The following EHMT1 variants were observed in gnomAD, a reference collection of about 807,000 sequenced individuals.
EHMT1 encodes euchromatic histone lysine methyltransferase 1, also known as histone-lysine N-methyltransferase EHMT1.
EHMT1 carries 15 observed loss-of-function variants against 147.2 expected under a neutral mutation model. The ratio of observed to expected loss-of-function variants is 0.10; its 90% CI spans 0.07 to 0.16. EHMT1 has a LOEUF of 0.16. EHMT1 is among the 10% of genes least tolerant of loss of function. The pLI, the probability that EHMT1 is intolerant of heterozygous loss-of-function variation, is 1.00. For missense variants in EHMT1, 1,587 were observed against 1,772.4 expected, an observed-to-expected ratio of 0.90 and a Z score of 1.88; for synonymous variants, 795 against 709.6, an observed-to-expected ratio of 1.12 and a Z score of -1.91.
intron 18 of EHMT1, among the ~76,000 whole-genome samples, chr9:137,809,255 C>T (rs544052180): frequency 6.6e-6 from 1 of 152,332 alleles, no homozygotes; most frequent in African/African-American, 2.4e-5. Flanking sequence ...CTTTTTTCTT[C>T]GCCTTCACTG....
intron 1 of EHMT1, among the ~76,000 whole-genome samples, chr9:137,642,716 T>G (rs969496598): frequency 1.3e-5 from 2 of 152,272 alleles, no homozygotes; most frequent in African/African-American, 4.8e-5. Context: ...TACATTACAC[T>G]GTGTGCCCAT....
At chr9:137,711,547 G>C (rs140477307) in intron 2 of EHMT1, among the ~76,000 whole-genome samples, 1 of 152,282 alleles carries the variant, frequency 6.6e-6, no homozygotes, top group East Asian at 1.9e-4. Flanking sequence ...CCAATTTTAT[G>C]GCAGACACTT....
chr9:137,684,280 G>T (rs1210514524), intron 1 of EHMT1, among the ~76,000 whole-genome samples: 3 of 151,958 alleles, frequency 2.0e-5, no homozygotes, highest in Admixed American at 6.6e-5. Context: ...CAATCTGCCC[G>T]CCTTGGCCTC....
chr9:137,657,124 A>G (rs890728530), intron 1 of EHMT1, among the ~76,000 whole-genome samples: 1 of 152,162 alleles, frequency 6.6e-6, no homozygotes, highest in Non-Finnish European at 1.5e-5. Flanking sequence ...AGTGAACAAA[A>G]CAGACGGAAC....
intron 3 of EHMT1, among the ~76,000 whole-genome samples, chr9:137,721,105 C>G (rs1266941342): frequency 6.6e-6 from 1 of 151,930 alleles, no homozygotes; most frequent in Admixed American, 6.6e-5. Context: ...GTGCGTATCC[C>G]TGTGACTGCT....
rs555553602 is a variant in EHMT1 at position 137,830,735 on chromosome 9, A to G, written c.3541-3614A>G. Among the ~76,000 whole-genome samples the G allele has an allele frequency of 3.9e-5, 6 of 152,286 alleles. No individual in the cohort carries two copies. The East Asian group carries it at 9.6e-4, about 24-fold the overall frequency. Reference sequence around the variant, plus strand: ...CTTGTGTGATTGTGTCACTGGCTTGATAGGCAGTTACATTAATTTTAGTTC... The same window carrying G: ...CTTGTGTGATTGTGTCACTGGCTTGGTAGGCAGTTACATTAATTTTAGTTC... On this transcript the variant is annotated intron_variant, in intron 25 of 26. Transcript: ENST00000460843.
chr9:137,821,780 C>T (rs1380720112), intron 25 of EHMT1, among the ~76,000 whole-genome samples: 1 of 152,142 alleles, frequency 6.6e-6, no homozygotes, highest in African/African-American at 2.4e-5. Flanking sequence ...CATTTACTAC[C>T]TTGTTTACTA....
At chr9:137,806,776 C>G (rs2137538191) in intron 18 of EHMT1, among the ~76,000 whole-genome samples, 3 of 152,338 alleles carry the variant, frequency 2.0e-5, no homozygotes, top group Admixed American at 2.0e-4. Flanking sequence ...ATTTTGCTTT[C>G]ATCTTTGAAA....
At position 137,811,514 on chromosome 9, in the gene EHMT1, C is replaced by T. The variant is rs375339474; in HGVS notation, c.2766C>T (p.Ala922=). Residue 922 remains alanine (A), a synonymous_variant, in exon 19 of 27, where the codon GCC becomes GCT. Transcript: ENST00000460843. ...CGTTCTCCGGCTGCGTGGACATAGC[C>T]GAGATCCTGCTGGCTGCCAAGTGCG... ...WAAFSGCVDI[A]EILLAAKCDL... The T allele has an allele frequency of 4.6e-5, 74 of 1,611,688 alleles. 1 individual carries two copies. Among genetic ancestry groups the T allele is most frequent in the South Asian group, 1.1e-4 (10 of 91,088 alleles).
chr9:137,708,190 C>A (rs1944417203), intron 1 of EHMT1, among the ~76,000 whole-genome samples: 1 of 152,198 alleles, frequency 6.6e-6, no homozygotes, highest in African/African-American at 2.4e-5. Flanking sequence ...GTTGGTCCAT[C>A]TCTGTCATGT....
chr9:137,822,738 C>CA (rs1955513417), intron 25 of EHMT1, among the ~76,000 whole-genome samples: 1 of 151,928 alleles, frequency 6.6e-6, no homozygotes, highest in Admixed American at 6.6e-5. Context: ...ACTAAAAATA[C>CA]AAAAATTAGC....
intron 13 of EHMT1, 102 bp downstream of exon 13, chr9:137,778,157 A>G: frequency 1.4e-6 from 2 of 1,387,022 alleles, no homozygotes; most frequent in Admixed American, 1.8e-5. Context: ...CAGCTTTTTG[A>G]TTAATGCTGT....
intron 1 of EHMT1, among the ~76,000 whole-genome samples, chr9:137,655,613 C>T (rs572141199): frequency 6.6e-6 from 1 of 152,274 alleles, no homozygotes; most frequent in East Asian, 1.9e-4. Context: ...GGTCAGTGGC[C>T]CATTAGGAAC....
chr9:137,766,865 C>A (rs1017397875), intron 10 of EHMT1, among the ~76,000 whole-genome samples: 4 of 152,044 alleles, frequency 2.6e-5, no homozygotes, highest in African/African-American at 9.7e-5. Context: ...CTCACTTGGA[C>A]CCCCAGGCTG....
intron 1 of EHMT1, among the ~76,000 whole-genome samples, chr9:137,642,810 A>T (rs1564532702): frequency 6.6e-6 from 1 of 152,322 alleles, no homozygotes; most frequent in South Asian, 2.1e-4. Flanking sequence ...TAACAAATAC[A>T]TTTATACTGT....
chr9:137,798,844 C>T lies in EHMT1; in HGVS notation c.2537C>T (p.Ala846Val). 6.2e-7 allele frequency: 1 copy of T among 1,614,218 alleles called. No individual in the cohort carries two copies. The highest frequency in any genetic ancestry group is 8.5e-7 in the Non-Finnish European group (1 of 1,180,022). Residue 846 changes from alanine to valine, a missense_variant, in exon 17 of 27, where the codon GCT becomes GTT. By Grantham distance (64) the Ala-to-Val change is moderately conservative. This residue lies in a region of EHMT1 where 201 missense variants were observed against 350.1 expected (regional missense o/e 0.57). Transcript: ENST00000460843. ...DAEGSTCLHLAAKKGHYEVVQ... is the reference protein window; with the variant it reads ...DAEGSTCLHLVAKKGHYEVVQ... ...GAGGGCTCTACGTGTTTGCACCTGGCTGCCAAGAAAGGCCACTACGAAGTG... is the reference window on the plus strand; with the variant it reads ...GAGGGCTCTACGTGTTTGCACCTGGTTGCCAAGAAAGGCCACTACGAAGTG...
At chr9:137,693,014 C>A (rs1029748562) in intron 1 of EHMT1, among the ~76,000 whole-genome samples, 4 of 152,144 alleles carry the variant, frequency 2.6e-5, no homozygotes, top group African/African-American at 9.7e-5. Flanking sequence ...CACCTGGGGG[C>A]TTTGGACCCT....
At chr9:137,620,345 G>A (rs1166243338) in intron 1 of EHMT1, among the ~76,000 whole-genome samples, 1 of 152,180 alleles carries the variant, frequency 6.6e-6, no homozygotes, top group Non-Finnish European at 1.5e-5. Context: ...AAGACCTTTA[G>A]ATCAGGCGCC....
At chr9:137,741,665 A>G (rs955710913) in intron 4 of EHMT1, among the ~76,000 whole-genome samples, 1 of 152,194 alleles carries the variant, frequency 6.6e-6, no homozygotes, top group African/African-American at 2.4e-5. Flanking sequence ...CCCCATCCCC[A>G]TACCAAAATC....
Sources: allele counts gnomAD v4.1 joint callset (sites outside exome capture counted in the v4.1 genomes callset), GRCh38; gene constraint gnomAD v4.1.1; regional missense constraint gnomAD v4.1.1; transcripts MANE v1.5; gene names NCBI Gene and HGNC (gene_info 2026-07-23, HGNC 2026-07-21).